Variants in NSD1 observed in about 807,000 individuals in gnomAD.
NSD1 encodes histone-lysine N-methyltransferase, H3 lysine-36 specific.
Under a neutral mutation model 242.7 loss-of-function variants are expected in NSD1, and 26 were observed. The observed-to-expected ratio is 0.11, with a 90% CI of 0.08 to 0.15. The LOEUF is 0.15. NSD1 is among the 10% of genes least tolerant of loss of function. The pLI is 1.00. For missense variants in NSD1, 2,495 were observed against 3,272.8 expected, an observed-to-expected ratio of 0.76 and a Z score of 5.80; for synonymous variants, 1,106 against 1,178.1, an observed-to-expected ratio of 0.94 and a Z score of 1.25.
At chr5:177,143,982 C>T (rs1757031336) in intron 2 of NSD1, among the ~76,000 whole-genome samples, 1 of 151,920 alleles carries the variant, frequency 6.6e-6, no homozygotes, top group Admixed American at 6.6e-5. Flanking sequence ...ATGGGGTTCA[C>T]CACGTTGGCC....
At chr5:177,236,035 A>G in intron 6 of NSD1, 90 bp downstream of exon 6, 1 of 1,415,128 alleles carries the variant, frequency 7.1e-7, no homozygotes, top group South Asian at 1.2e-5. Context: ...ATGAAACAAT[A>G]ATTTCCTTAA....
In NSD1 at chr5:177,300,054, CG is replaced by C. The variant is rs886060459; in HGVS notation, c.*4596del. On this transcript the variant is annotated 3_prime_UTR_variant, in exon 23 of 23. Transcript: ENST00000439151. ...CCAAGGTCCATCATTGCTTTTTTGC[CG>C]CGCCCCCCCCCCCCCGCCCCCATAG... The C allele has an allele frequency of 1.3e-5, 2 of 149,942 alleles. No homozygotes were observed. The highest frequency in any genetic ancestry group is 9.9e-5 in the Admixed American group (1 of 10,082). The allele number at this position is 149,942 out of a possible 1,614,324, so 9.3% of individuals were successfully genotyped here.
At chr5:177,293,067 C>T (rs1278012807) in intron 22 of NSD1, among the ~76,000 whole-genome samples, 1 of 152,226 alleles carries the variant, frequency 6.6e-6, no homozygotes, top group Non-Finnish European at 1.5e-5. Flanking sequence ...ATTGACCTGT[C>T]AGCACCAGGA....
At chr5:177,154,535 A>G (rs1249069492) in intron 2 of NSD1, among the ~76,000 whole-genome samples, 1 of 152,166 alleles carries the variant, frequency 6.6e-6, no homozygotes, top group Non-Finnish European at 1.5e-5. Context: ...CCTCTGTGCC[A>G]TGTTTGCTCA....
upstream of NSD1, among the ~76,000 whole-genome samples, chr5:177,132,791 G>A (rs1299835953): frequency 6.6e-6 from 1 of 152,090 alleles, no homozygotes; most frequent in East Asian, 1.9e-4. This position sits in a 1 kb window ranked among gnomAD's most constrained non-coding sequence, Gnocchi z 7.5. Flanking sequence ...GCCCGGCAAG[G>A]GGAGGGAGAG....
chr5:177,231,870 GATA>G (rs983497075), intron 5 of NSD1, among the ~76,000 whole-genome samples: 13 of 152,052 alleles, frequency 8.5e-5, no homozygotes, highest in African/African-American at 2.7e-4. Context: ...ATGTTATTGG[GATA>G]ATGACATATA....
At chr5:177,256,275 C>CTTTTTTTTTTTTT (rs147226070) in intron 12 of NSD1, among the ~76,000 whole-genome samples, 1 of 76,852 alleles carries the variant, frequency 1.3e-5, no homozygotes, top group African/African-American at 5.3e-5. Context: ...TGCCCCCACA[C>CTTTTTTTTTTTTT]TTTTTTTTTT....
intron 12 of NSD1, among the ~76,000 whole-genome samples, chr5:177,254,595 TCA>T (rs1212635659): frequency 3.3e-5 from 5 of 152,144 alleles, no homozygotes; most frequent in Non-Finnish European, 7.4e-5. Flanking sequence ...AGACGAGGTT[TCA>T]CCATGTTGGC....
At position 177,297,141 on chromosome 5, in the gene NSD1, C is replaced by T. The variant is rs576132551; in HGVS notation, c.*1682C>T. 5 of 232,676 alleles carry T rather than the reference C, an allele frequency of 2.1e-5. No individual in the cohort carries two copies. The highest frequency in any genetic ancestry group is 3.4e-5 in the Non-Finnish European group (4 of 117,798). 14.4% of individuals were successfully genotyped at this position (232,676 alleles called of 1,614,324 possible). Reference sequence around the variant, plus strand: ...CCAAAGTCTGTCTCTGAGGTTGAGACACTTGAACTCAGGCAGAGGGACGAG... The same window carrying T: ...CCAAAGTCTGTCTCTGAGGTTGAGATACTTGAACTCAGGCAGAGGGACGAG... On this transcript the variant is annotated 3_prime_UTR_variant, in exon 23 of 23. Transcript: ENST00000439151.
intron 2 of NSD1, chr5:177,137,255 G>T: frequency 4.6e-6 from 1 of 217,798 alleles, no homozygotes; most frequent in Non-Finnish European, 8.9e-6. Context: ...TTTTGTTTCT[G>T]CCCAAACACA....
intron 2 of NSD1, among the ~76,000 whole-genome samples, chr5:177,162,098 G>A (rs899077785): frequency 2.0e-5 from 3 of 151,978 alleles, no homozygotes; most frequent in African/African-American, 7.2e-5. Context: ...CAGAGTTCGA[G>A]ACTAGCCTGG....
chr5:177,192,826 C>G (rs1202450134), intron 3 of NSD1, among the ~76,000 whole-genome samples: 3 of 152,068 alleles, frequency 2.0e-5, no homozygotes, highest in Admixed American at 6.5e-5. Context: ...CCACTGTGCC[C>G]GGCTGATTTA....
intron 21 of NSD1, among the ~76,000 whole-genome samples, chr5:177,291,481 C>T (rs574852402): frequency 9.2e-5 from 14 of 152,172 alleles, no homozygotes; most frequent in African/African-American, 3.1e-4. Context: ...GCTGAAAACC[C>T]GTCTCTACTA....
At chr5:177,159,901 T>A (rs141235952) in intron 2 of NSD1, among the ~76,000 whole-genome samples, 1,930 of 151,684 alleles carry the variant, frequency 0.013, 22 homozygotes, top group East Asian at 0.038. Flanking sequence ...ATATATTTTT[T>A]TTTTTTTAAA....
At chr5:177,288,629 A>G (rs1050246700) in intron 20 of NSD1, 190 bp from the exon 21 acceptor site, 19 of 551,804 alleles carry the variant, frequency 3.4e-5, no homozygotes, top group Non-Finnish European at 6.1e-5. Flanking sequence ...AAGCCATTTA[A>G]GTTTTCTCTG....
chr5:177,163,433 G>A (rs1480935311), intron 2 of NSD1, among the ~76,000 whole-genome samples: 2 of 152,072 alleles, frequency 1.3e-5, no homozygotes, highest in Admixed American at 6.6e-5. Flanking sequence ...GAGCCACCGC[G>A]CCCAGCCATG....
intron 2 of NSD1, among the ~76,000 whole-genome samples, chr5:177,158,290 TTTCTTTCTTTCTTTTC>T (rs1758344215): frequency 2.5e-5 from 2 of 80,798 alleles, no homozygotes; most frequent in South Asian, 4.3e-4. Flanking sequence ...TCTTTCTTTC[TTTCTTTCTTTCTTTTC>T]TTTCTTTTCT....
At chr5:177,228,656 G>A (rs962642619) in intron 5 of NSD1, among the ~76,000 whole-genome samples, 6 of 152,066 alleles carry the variant, frequency 3.9e-5, no homozygotes, top group African/African-American at 1.4e-4. Flanking sequence ...ATCTGTATTG[G>A]AAGAGTGATG....
chr5:177,291,610 G>A (rs990169830), intron 21 of NSD1, among the ~76,000 whole-genome samples: 21 of 152,232 alleles, frequency 1.4e-4, no homozygotes, highest in South Asian at 8.3e-4. Flanking sequence ...CCGAGATCGC[G>A]CCACTGCACT....
Sources: allele counts gnomAD v4.1 joint callset (sites outside exome capture counted in the v4.1 genomes callset), GRCh38; gene constraint gnomAD v4.1.1; non-coding constraint Gnocchi (gnomAD v3.1); transcripts MANE v1.5; gene names NCBI Gene and HGNC (gene_info 2026-07-23, HGNC 2026-07-21).